The following MLANA variants were observed in gnomAD, a reference collection of about 807,000 sequenced individuals.
MLANA encodes the protein melanoma antigen recognized by T-cells 1.
Under a neutral mutation model 15.7 loss-of-function variants are expected in MLANA, and 21 were observed. That is an observed-to-expected ratio of 1.33 (90% CI 0.95 to 1.92). The LOEUF (loss-of-function observed/expected upper bound fraction) is 1.92, where lower values mean the gene tolerates loss of function less well. MLANA is among the 40% of genes most tolerant of loss of function. The probability of loss-of-function intolerance (pLI) is 0.00; values close to 1 mark genes in which losing one functional copy is unlikely to be tolerated. For missense variants in MLANA, 164 were observed against 143.8 expected (o/e 1.14, Z -0.72); for synonymous variants, 56 against 51.5 (o/e 1.09, Z -0.37).
At chr9:5,896,773 G>A (rs1319211015) in intron 2 of MLANA, among the ~76,000 whole-genome samples, 1 of 152,154 alleles carries the variant, frequency 6.6e-6, no homozygotes, top group Non-Finnish European at 1.5e-5. Flanking sequence ...ATGCTTCCCA[G>A]GGGTCACTGA....
intron 4 of MLANA, among the ~76,000 whole-genome samples, chr9:5,907,382 C>T (rs1451628347): frequency 6.6e-6 from 1 of 152,022 alleles, no homozygotes; most frequent in African/African-American, 2.4e-5. Flanking sequence ...GATAAAGTAC[C>T]TATTATTTAT....
intron 3 of MLANA, among the ~76,000 whole-genome samples, chr9:5,899,817 C>T (rs10758718): frequency 0.63 from 95,503 of 152,000 alleles, 31,499 homozygotes; most frequent in Non-Finnish European, 0.75. Context: ...CAGTGCCTGG[C>T]ACATGGTAGT....
chr9:5,908,206 A>G (rs1832938857), intron 4 of MLANA, among the ~76,000 whole-genome samples: 1 of 152,206 alleles, frequency 6.6e-6, no homozygotes, highest in Non-Finnish European at 1.5e-5. Context: ...TGTGAGCATT[A>G]AATGAAGCCC....
At position 5,908,831 on chromosome 9, in the gene MLANA, A is replaced by C. The variant is rs908495237; in HGVS notation, c.*123A>C. ...GGAAAAATGCAAGCCATCTCTAATA[A>C]TAAGTCAGTGTTAAAATTTTAGTAG... is the stretch of plus-strand genomic sequence containing the variant. On this transcript the variant is annotated 3_prime_UTR_variant, in exon 5 of 5. Coordinates refer to ENST00000381477, the MANE Select transcript of MLANA (RefSeq NM_005511.2). 2 of 877,378 alleles carry C rather than the reference A, an allele frequency of 2.3e-6. No individual in the cohort carries two copies. Among genetic ancestry groups the C allele is most frequent in the African/African-American group, 3.4e-5 (2 of 59,454 alleles). 54.3% of individuals were successfully genotyped at this position (877,378 alleles called of 1,614,324 possible). A position where few individuals can be genotyped will look rare whatever the true frequency, so the allele number is the denominator to read the frequency against.
At chr9:5,904,980 A>T (rs1169009094) in intron 3 of MLANA, among the ~76,000 whole-genome samples, 2 of 151,782 alleles carry the variant, frequency 1.3e-5, no homozygotes, top group African/African-American at 4.8e-5. Flanking sequence ...TCACTGTGTT[A>T]GCCAGGATGG....
chr9:5,908,352 G>A (rs903762997), intron 4 of MLANA, among the ~76,000 whole-genome samples: 8 of 152,146 alleles, frequency 5.3e-5, no homozygotes, highest in Non-Finnish European at 8.8e-5. Context: ...TCAATGATTC[G>A]TTAGTTAGGG....
At chr9:5,892,649 A>G in intron 2 of MLANA, 98 bp downstream of exon 2, 1 of 915,708 alleles carries the variant, frequency 1.1e-6, no homozygotes, top group Non-Finnish European at 1.6e-6. Flanking sequence ...AAATCTCCCT[A>G]GTGTTTATCT....
At chr9:5,898,059 T>C (rs966555851) in intron 3 of MLANA, 1 of 132,960 alleles carries the variant, frequency 7.5e-6, no homozygotes, top group South Asian at 2.0e-4. Context: ...GCTGAACTCA[T>C]TTTTTTTTTT....
chr9:5,894,499 G>C lies in MLANA; in HGVS notation c.77+1948G>C, dbSNP rs866596590. Among the ~76,000 whole-genome samples the C allele has an allele frequency of 1.3e-5, 2 of 152,242 alleles. No homozygotes were observed. Among genetic ancestry groups the C allele is most frequent in the Middle Eastern group, 3.4e-3 (1 of 292 alleles). On this transcript the variant is annotated intron_variant, in intron 2 of 4. Transcript: ENST00000381477. The surrounding 1 kb of genome is among the most constrained non-coding windows in gnomAD (Gnocchi z 4.0). ...TTGGGAGGAGGGACGCCACAGAAATGGGACCCAGATCTCTAAGGAGAGATT... is the reference window on the plus strand; with the variant it reads ...TTGGGAGGAGGGACGCCACAGAAATCGGACCCAGATCTCTAAGGAGAGATT...
intron 3 of MLANA, among the ~76,000 whole-genome samples, chr9:5,902,357 CTTT>C (rs886428822): frequency 1.3e-5 from 2 of 152,034 alleles, no homozygotes; most frequent in Non-Finnish European, 2.9e-5. Context: ...TAGTTTGTGC[CTTT>C]TTATTTCTTA....
rs1833088556 is a variant in MLANA at position 5,910,338 on chromosome 9, A to G, written c.*1630A>G. 6.6e-6 allele frequency: 1 copy of G among 152,252 alleles called. No individual in the cohort carries two copies. Among genetic ancestry groups the G allele is most frequent in the African/African-American group, 2.4e-5 (1 of 41,466 alleles). 9.4% of individuals were successfully genotyped at this position (152,252 alleles called of 1,614,324 possible). ...AAAGGGGAAAAAGAAAACACAGGAT[A>G]AAGAGATGTATTACACACATCGAAA... On this transcript the variant is annotated 3_prime_UTR_variant, in exon 5 of 5. Coordinates refer to ENST00000381477, the MANE Select transcript of MLANA (RefSeq NM_005511.2).
At position 5,908,545 on chromosome 9, in the gene MLANA, G is replaced by C. The variant is rs758145281; in HGVS notation, c.289-95G>C. The C allele has an allele frequency of 1.7e-5, 18 of 1,088,032 alleles. No individual in the cohort carries two copies. The Admixed American group carries it at 3.7e-4, about 22-fold the overall frequency. The allele number at this position is 1,088,032 out of a possible 1,614,324, so 67.4% of individuals were successfully genotyped here. A position where few individuals can be genotyped will look rare whatever the true frequency, so the allele number is the denominator to read the frequency against. ...ACACTTAGAAATTTCAGTCCACAGG[G>C]AAAGTATAAATATGTTAACTATTTT... is the stretch of plus-strand genomic sequence containing the variant. On this transcript the variant is annotated intron_variant, in intron 4 of 4. Transcript: ENST00000381477.
chr9:5,892,138 T>G (rs1286831427), intron 1 of MLANA, among the ~76,000 whole-genome samples: 4 of 152,164 alleles, frequency 2.6e-5, no homozygotes, highest in Admixed American at 2.6e-4. Context: ...TGGTGCAGAG[T>G]CAAATTGAAG....
At chr9:5,903,421 G>T (rs1013467846) in intron 3 of MLANA, among the ~76,000 whole-genome samples, 3 of 152,282 alleles carry the variant, frequency 2.0e-5, no homozygotes, top group South Asian at 4.1e-4. Context: ...CTAATATGTT[G>T]TTGAGTTTTT....
In MLANA at chr9:5,910,325, G is replaced by A. The variant is rs1464662198; in HGVS notation, c.*1617G>A. 1 of 152,054 alleles carries A rather than the reference G, an allele frequency of 6.6e-6. No homozygotes were observed. The highest frequency in any genetic ancestry group is 1.5e-5 in the Non-Finnish European group (1 of 68,004). The allele number at this position is 152,054 out of a possible 1,614,324, so 9.4% of individuals were successfully genotyped here. Reference sequence around the variant, plus strand: ...ACAAAATTTCACCAAAGGGGAAAAAGAAAACACAGGATAAAGAGATGTATT... The same window carrying A: ...ACAAAATTTCACCAAAGGGGAAAAAAAAAACACAGGATAAAGAGATGTATT... On this transcript the variant is annotated 3_prime_UTR_variant, in exon 5 of 5. Transcript: ENST00000381477.
At chr9:5,901,012 G>A (rs779412996) in intron 3 of MLANA, among the ~76,000 whole-genome samples, 1 of 152,056 alleles carries the variant, frequency 6.6e-6, no homozygotes, top group African/African-American at 2.4e-5. Context: ...ATCATCTCTG[G>A]TGGTGGGATT....
At chr9:5,907,098 T>C in intron 4 of MLANA, 100 bp downstream of exon 4, 1 of 764,190 alleles carries the variant, frequency 1.3e-6, no homozygotes, top group South Asian at 2.3e-5. Flanking sequence ...AATGTGAATG[T>C]ACTCATTGCC....
chr9:5,903,739 T>C (rs1206016169), intron 3 of MLANA, among the ~76,000 whole-genome samples: 1 of 152,242 alleles, frequency 6.6e-6, no homozygotes, highest in East Asian at 1.9e-4. Context: ...AACACCTTTA[T>C]CGTTATGTAA....
At chr9:5,896,887 C>T (rs955796452) in intron 2 of MLANA, among the ~76,000 whole-genome samples, 4 of 152,198 alleles carry the variant, frequency 2.6e-5, no homozygotes, top group Admixed American at 1.3e-4. Flanking sequence ...TAGGTTCAGC[C>T]CAGACACTTC....
Sources: gnomAD v4.1 joint callset for allele counts (sites outside exome capture counted in the v4.1 genomes callset) on GRCh38, gnomAD v4.1.1 for gene constraint, Gnocchi (gnomAD v3.1) non-coding constraint, MANE v1.5 for transcripts, NCBI Gene and HGNC (gene_info 2026-07-23, HGNC 2026-07-21) for gene names.